The following PRR16 variants were observed in gnomAD, a reference collection of about 807,000 sequenced individuals.
PRR16 encodes the protein protein Largen.
Under a neutral mutation model 18.2 loss-of-function variants are expected in PRR16, and 6 were observed. That is an observed-to-expected ratio of 0.33 (90% CI 0.18 to 0.65). The LOEUF is 0.65. Among genes scored for constraint, PRR16 ranks in the 30% least tolerant of loss-of-function variants. The pLI is 0.74. For synonymous variants in PRR16, 151 were observed against 147.8 expected (o/e 1.02, Z -0.16); for missense variants, 412 against 376.6 (o/e 1.09, Z -0.78).
intron 1 of PRR16, among the ~76,000 whole-genome samples, chr5:120,563,652 G>C (rs988942179): frequency 2.0e-5 from 3 of 152,140 alleles, no homozygotes; most frequent in Non-Finnish European, 4.4e-5. Context: ...CCTCTGCCCT[G>C]GACAGGTCCA....
chr5:120,754,640 AG>A, the PRR16 span, among the ~76,000 whole-genome samples: 11,580 of 121,566 alleles, frequency 0.095, 817 homozygotes, highest in African/African-American at 0.17. Flanking sequence ...TAATATATAA[AG>A]TATTTATATA....
At chr5:120,791,230 G>A in the PRR16 span, among the ~76,000 whole-genome samples, 1 of 151,860 alleles carries the variant, frequency 6.6e-6, no homozygotes, top group Non-Finnish European at 1.5e-5. Flanking sequence ...TTGGTTTATT[G>A]GCAAGCTTTT....
chr5:120,788,857 T>A, the PRR16 span, among the ~76,000 whole-genome samples: 67 of 152,240 alleles, frequency 4.4e-4, no homozygotes, highest in Middle Eastern at 6.8e-3. Context: ...TTTTTCCTTT[T>A]TGATTGTTCA....
intron 1 of PRR16, among the ~76,000 whole-genome samples, chr5:120,609,889 G>T (rs545701425): frequency 6.6e-6 from 1 of 152,038 alleles, no homozygotes; most frequent in Non-Finnish European, 1.5e-5. Context: ...TTTTTGCACC[G>T]CACTTAGCTT....
chr5:120,483,085 G>T (rs1371084549), intron 1 of PRR16, among the ~76,000 whole-genome samples: 2 of 152,086 alleles, frequency 1.3e-5, no homozygotes, highest in Admixed American at 1.3e-4. Flanking sequence ...ACGTTCATTT[G>T]TCTAACATGG....
chr5:120,792,177 T>C, the PRR16 span, among the ~76,000 whole-genome samples: 1 of 152,184 alleles, frequency 6.6e-6, no homozygotes, highest in Non-Finnish European at 1.5e-5. Flanking sequence ...TTTGTGCATA[T>C]ACTCAGTGAT....
intron 1 of PRR16, among the ~76,000 whole-genome samples, chr5:120,622,108 G>A (rs771322605): frequency 1.3e-5 from 2 of 152,010 alleles, no homozygotes; most frequent in Non-Finnish European, 2.9e-5. Context: ...TTTTTTCCAT[G>A]GCACTTATCA....
chr5:120,760,078 T>C, the PRR16 span, among the ~76,000 whole-genome samples: 2 of 152,166 alleles, frequency 1.3e-5, no homozygotes, highest in African/African-American at 4.8e-5. Context: ...TTGATAAAGT[T>C]GTTTCTTAAC....
intron 1 of PRR16, among the ~76,000 whole-genome samples, chr5:120,581,681 C>T (rs1272938185): frequency 6.6e-6 from 1 of 152,248 alleles, no homozygotes; most frequent in African/African-American, 2.4e-5. Context: ...CCTGTTAACA[C>T]TGCTTTAGCT....
At chr5:120,781,587 G>C in the PRR16 span, 315 of 152,244 alleles carry the variant, frequency 2.1e-3, 1 homozygote, top group African/African-American at 7.2e-3. Flanking sequence ...ATCAGGAGAA[G>C]GTCAGGGACA....
the PRR16 span, among the ~76,000 whole-genome samples, chr5:120,744,848 G>T: frequency 3.9e-5 from 6 of 152,128 alleles, no homozygotes; most frequent in African/African-American, 1.4e-4. Flanking sequence ...TTGTCAATGG[G>T]GGGTAAAGTG....
the PRR16 span, among the ~76,000 whole-genome samples, chr5:120,692,556 T>C: frequency 6.6e-6 from 1 of 152,164 alleles, no homozygotes; most frequent in Non-Finnish European, 1.5e-5. Context: ...CATGGTCTTG[T>C]TTGTAGTCCC....
At chr5:120,595,874 T>G (rs957507542) in intron 1 of PRR16, among the ~76,000 whole-genome samples, 2 of 151,976 alleles carry the variant, frequency 1.3e-5, no homozygotes, top group African/African-American at 4.8e-5. Flanking sequence ...CTTTGCAACT[T>G]GCATATACCT....
At chr5:120,596,816 A>G (rs922194208) in intron 1 of PRR16, among the ~76,000 whole-genome samples, 3 of 151,706 alleles carry the variant, frequency 2.0e-5, no homozygotes, top group Non-Finnish European at 4.4e-5. Context: ...TAAAATATGC[A>G]TAATTTTAAA....
the PRR16 span, among the ~76,000 whole-genome samples, chr5:120,742,933 G>T: frequency 6.6e-6 from 1 of 152,200 alleles, no homozygotes; most frequent in Non-Finnish European, 1.5e-5. Context: ...TCCAACCTGT[G>T]CTTCCATCAT....
At chr5:120,670,968 G>A (rs1332390370) in intron 1 of PRR16, among the ~76,000 whole-genome samples, 2 of 151,884 alleles carry the variant, frequency 1.3e-5, no homozygotes, top group Non-Finnish European at 2.9e-5. Flanking sequence ...TTACCTTTAG[G>A]TAAAACCCCA....
At chr5:120,540,464 A>T (rs1422375897) in intron 1 of PRR16, among the ~76,000 whole-genome samples, 2 of 152,106 alleles carry the variant, frequency 1.3e-5, no homozygotes, top group Non-Finnish European at 2.9e-5. Flanking sequence ...GCCTCTCTTA[A>T]CCAGGTTCAT....
intron 1 of PRR16, among the ~76,000 whole-genome samples, chr5:120,629,380 G>T (rs1189042716): frequency 1.3e-5 from 2 of 151,980 alleles, no homozygotes; most frequent in Admixed American, 1.3e-4. Flanking sequence ...ATTTTGACAT[G>T]ATTTCTGCAA....
intron 1 of PRR16, among the ~76,000 whole-genome samples, chr5:120,506,791 A>C (rs1750659429): frequency 1.3e-5 from 2 of 150,794 alleles, no homozygotes; most frequent in African/African-American, 4.9e-5. Context: ...TTTCCAGGCC[A>C]AAAAAAAAGG....
Sources: gnomAD v4.1 joint callset for allele counts (sites outside exome capture counted in the v4.1 genomes callset) on GRCh38, gnomAD v4.1.1 for gene constraint, MANE v1.5 for transcripts, NCBI Gene and HGNC (gene_info 2026-07-23, HGNC 2026-07-21) for gene names.